The following SLC26A7 variants were observed in gnomAD, a reference collection of about 807,000 sequenced individuals.
SLC26A7 encodes solute carrier family 26 member 7, also known as anion exchange transporter.
In SLC26A7, 59 loss-of-function variants were observed where a neutral mutation model predicts 82.5. The observed-to-expected ratio is 0.72, with a 90% CI of 0.58 to 0.89. The LOEUF (loss-of-function observed/expected upper bound fraction) is 0.89, where lower values mean the gene tolerates loss of function less well. Among genes scored for constraint, SLC26A7 ranks in the 40% least tolerant of loss-of-function variants. The pLI, the probability that SLC26A7 is intolerant of heterozygous loss-of-function variation, is 0.00. For synonymous variants in SLC26A7, 271 were observed against 274.3 expected, an observed-to-expected ratio of 0.99 and a Z score of 0.12; for missense variants, 820 against 793.0, an observed-to-expected ratio of 1.03 and a Z score of -0.41.
At chr8:91,354,223 C>G (rs559817035) in intron 11 of SLC26A7, among the ~76,000 whole-genome samples, 58 of 152,156 alleles carry the variant, frequency 3.8e-4, no homozygotes, top group Non-Finnish European at 7.8e-4. Context: ...ACTCATTGAT[C>G]ATATAGGAGG....
intron 2 of SLC26A7, among the ~76,000 whole-genome samples, chr8:91,288,182 C>T (rs573916723): frequency 1.3e-5 from 2 of 152,242 alleles, no homozygotes; most frequent in East Asian, 1.9e-4. Context: ...ATCAGACAGC[C>T]AGGCTTTATA....
At chr8:91,375,830 T>C (rs1814500864) in intron 15 of SLC26A7, among the ~76,000 whole-genome samples, 3 of 152,088 alleles carry the variant, frequency 2.0e-5, no homozygotes. Flanking sequence ...AATGTGTTTT[T>C]CAAATTGCTT....
At position 91,295,667 on chromosome 8, in the gene SLC26A7, T is replaced by A. The variant is rs1371566191; in HGVS notation, c.441T>A (p.Val147=). The part of the protein sequence containing the change: ...LSDFEMQRIH[V]AAAVSFLGGV... Reference sequence around the variant, plus strand: ...ACTTTGAAATGCAAAGGATCCACGTTGCTGCAGCAGTTTCCTTCTTGGGAG... The same window carrying A: ...ACTTTGAAATGCAAAGGATCCACGTAGCTGCAGCAGTTTCCTTCTTGGGAG... The change falls in exon 4 of 19, where the codon GTT becomes GTA. Residue 147 remains valine, a synonymous_variant. Transcript: ENST00000276609. 6.2e-7 allele frequency: 1 copy of A among 1,614,054 alleles called. No homozygotes were observed. Among genetic ancestry groups the A allele is most frequent in the East Asian group, 2.2e-5 (1 of 44,872 alleles).
chr8:91,286,667 T>C (rs1052867758), intron 2 of SLC26A7, among the ~76,000 whole-genome samples: 4 of 152,190 alleles, frequency 2.6e-5, no homozygotes, highest in Non-Finnish European at 5.9e-5. Context: ...CTTATTTGAA[T>C]TGAAAGCCAT....
rs547528824 is a variant in SLC26A7 at position 91,334,221 on chromosome 8, T to C, written c.643-74T>C. ...GTTTTATAAAACATCATTGAGTTTATTGGGGCCATATTTTCATGTTGGTAT... is the reference window on the plus strand; with the variant it reads ...GTTTTATAAAACATCATTGAGTTTACTGGGGCCATATTTTCATGTTGGTAT... On this transcript the variant is annotated intron_variant, in intron 5 of 18. Coordinates refer to ENST00000276609, the MANE Select transcript of SLC26A7 (RefSeq NM_052832.4). 41 of 1,360,896 alleles carry C rather than the reference T, an allele frequency of 3.0e-5. No individual in the cohort carries two copies. In the South Asian group the frequency reaches 3.9e-4, roughly 13 times the overall value. The allele number at this position is 1,360,896 out of a possible 1,614,324, so 84.3% of individuals were successfully genotyped here. A position where few individuals can be genotyped will look rare whatever the true frequency, so the allele number is the denominator to read the frequency against.
upstream of SLC26A7, among the ~76,000 whole-genome samples, chr8:91,248,240 G>A (rs976530365): frequency 1.3e-5 from 2 of 151,786 alleles, no homozygotes; most frequent in Admixed American, 1.3e-4. Context: ...CCCCCACCCC[G>A]CTGCGTCTCT....
intron 14 of SLC26A7, among the ~76,000 whole-genome samples, chr8:91,367,108 C>T (rs535594399): frequency 7.8e-4 from 118 of 151,920 alleles, no homozygotes; most frequent in African/African-American, 2.6e-3. Context: ...CCCGGGTTCA[C>T]GCCATTCTTC....
chr8:91,288,927 A>T lies in SLC26A7; in HGVS notation c.194-209A>T, dbSNP rs78604378. Among the ~76,000 whole-genome samples, 1,252 of 152,306 alleles carry T rather than the reference A, an allele frequency of 8.2e-3. 20 individuals carry two copies. The highest frequency in any genetic ancestry group is 0.029 in the African/African-American group (1,194 of 41,552). ...CTCTGCAATCAAAGGAAAAAGCATT[A>T]GTCCAAAAATAATGGTTTTTGGAAT... On this transcript the variant is annotated intron_variant, in intron 2 of 18. Transcript: ENST00000276609.
intron 4 of SLC26A7, among the ~76,000 whole-genome samples, chr8:91,296,922 G>C (rs988056557): frequency 1.6e-4 from 25 of 152,126 alleles, no homozygotes; most frequent in African/African-American, 5.8e-4. Context: ...GAGGCTCTCT[G>C]AGATCTGTCA....
intron 15 of SLC26A7, among the ~76,000 whole-genome samples, chr8:91,371,038 T>C (rs1030081642): frequency 2.0e-5 from 3 of 151,912 alleles, no homozygotes; most frequent in African/African-American, 7.2e-5. Context: ...ATGTTACTAA[T>C]GGAATGACAT....
At chr8:91,312,113 G>A (rs141511022) in intron 4 of SLC26A7, among the ~76,000 whole-genome samples, 42 of 151,984 alleles carry the variant, frequency 2.8e-4, no homozygotes, top group East Asian at 1.7e-3. Context: ...AATAACTGCC[G>A]TTCCTCACTT....
intron 6 of SLC26A7, 72 bp downstream of exon 6, chr8:91,334,519 T>G: frequency 3.6e-6 from 5 of 1,398,888 alleles, no homozygotes; most frequent in Non-Finnish European, 4.8e-6. Flanking sequence ...CTGCAGATGC[T>G]TACTATATTG....
chr8:91,303,165 A>C (rs763254356), intron 4 of SLC26A7, among the ~76,000 whole-genome samples: 7 of 152,210 alleles, frequency 4.6e-5, no homozygotes, highest in Admixed American at 6.5e-5. Flanking sequence ...GCACACTCAC[A>C]GTAATGAAAT....
At chr8:91,269,128 C>A (rs1171017028) in intron 2 of SLC26A7, among the ~76,000 whole-genome samples, 2 of 152,014 alleles carry the variant, frequency 1.3e-5, no homozygotes, top group African/African-American at 4.8e-5. Context: ...TTATACACCA[C>A]AATTACAGTA....
intron 2 of SLC26A7, among the ~76,000 whole-genome samples, chr8:91,276,558 T>C (rs1214217589): frequency 6.6e-6 from 1 of 152,166 alleles, no homozygotes; most frequent in Non-Finnish European, 1.5e-5. Flanking sequence ...GTAGCCAAGA[T>C]TATTTCTTCT....
chr8:91,224,955 T>G (rs953227178), intron 2 of SLC26A7, among the ~76,000 whole-genome samples: 12 of 152,204 alleles, frequency 7.9e-5, no homozygotes, highest in African/African-American at 2.9e-4. Flanking sequence ...GAAGAGGCAC[T>G]CTGGCCACCG....
intron 18 of SLC26A7, 59 bp downstream of exon 18, chr8:91,394,098 GC>G (rs1435032731): frequency 3.1e-6 from 5 of 1,589,592 alleles, no homozygotes; most frequent in Non-Finnish European, 4.3e-6. Context: ...TAGAATCGAA[GC>G]TTTGCATCTT....
chr8:91,373,812 A>T (rs1405306865), intron 15 of SLC26A7, among the ~76,000 whole-genome samples: 3 of 151,868 alleles, frequency 2.0e-5, no homozygotes, highest in Non-Finnish European at 4.4e-5. Flanking sequence ...CTAGCTCTTC[A>T]TTGTATGTCT....
intron 2 of SLC26A7, among the ~76,000 whole-genome samples, chr8:91,229,232 G>A (rs4476968): frequency 0.64 from 97,664 of 151,994 alleles, 31,672 homozygotes; most frequent in South Asian, 0.71. Context: ...CCTATTTAAA[G>A]TTATGATGCC....
Sources: allele counts gnomAD v4.1 joint callset (sites outside exome capture counted in the v4.1 genomes callset), GRCh38; gene constraint gnomAD v4.1.1; transcripts MANE v1.5; gene names NCBI Gene and HGNC (gene_info 2026-07-23, HGNC 2026-07-21).